Variants in TMEM144 observed in about 807,000 individuals in gnomAD.
TMEM144 encodes transmembrane protein 144.
TMEM144 carries 39 observed loss-of-function variants against 43.6 expected under a neutral mutation model. The observed-to-expected ratio is 0.90, with a 90% CI of 0.69 to 1.17. The LOEUF (loss-of-function observed/expected upper bound fraction) is 1.17. Among genes scored for constraint, TMEM144 ranks in the 50% most tolerant of loss-of-function variants. The pLI is 0.00. For synonymous variants in TMEM144, 154 were observed against 133.6 expected, an observed-to-expected ratio of 1.15 and a Z score of -1.06; for missense variants, 417 against 411.9, an observed-to-expected ratio of 1.01 and a Z score of -0.11.
chr4:158,237,335 C>T, intron 8 of TMEM144, 190 bp from the exon 9 acceptor site: 1 of 531,930 alleles, frequency 1.9e-6, no homozygotes, highest in South Asian at 2.9e-5. Flanking sequence ...AAGCTGTCCT[C>T]CTAGTCCTGA....
chr4:158,226,362 G>T (rs1014194065), intron 6 of TMEM144, among the ~76,000 whole-genome samples: 1 of 152,142 alleles, frequency 6.6e-6, no homozygotes, highest in Non-Finnish European at 1.5e-5. Flanking sequence ...TAAAGAGCAG[G>T]TTGGTGATTT....
intron 5 of TMEM144, 130 bp downstream of exon 5, chr4:158,217,550 C>A: frequency 1.6e-6 from 1 of 613,420 alleles, no homozygotes. Flanking sequence ...ACATACACAT[C>A]ATATATGCCA....
intron 4 of TMEM144, among the ~76,000 whole-genome samples, chr4:158,216,099 A>T (rs888107615): frequency 1.3e-5 from 2 of 152,216 alleles, no homozygotes; most frequent in South Asian, 4.1e-4. Context: ...TCCCACCAGG[A>T]TTTACATTAT....
chr4:158,249,693 C>T (rs565718265), intron 12 of TMEM144, among the ~76,000 whole-genome samples: 134 of 152,218 alleles, frequency 8.8e-4, no homozygotes, highest in African/African-American at 3.1e-3. Flanking sequence ...TAACTGAAGA[C>T]CCATTTTTTA....
chr4:158,214,880 T>C lies in TMEM144; in HGVS notation c.110-311T>C, dbSNP rs140309733. On this transcript the variant is annotated intron_variant, in intron 3 of 12. Coordinates refer to ENST00000296529, the MANE Select transcript of TMEM144 (RefSeq NM_018342.5). The stretch of plus-strand genomic sequence containing the variant: ...GGCAGAAAATTCTTGATTTGTCTAA[T>C]AGGAGGAAAAAAAGAATGTTAAGCC... 1.5e-3 allele frequency among the ~76,000 whole-genome samples: 223 copies of C among 152,272 alleles called. 1 individual carries two copies. The highest frequency in any genetic ancestry group is 5.3e-3 in the African/African-American group (219 of 41,566).
chr4:158,214,078 C>T (rs189112232), intron 3 of TMEM144: 8 of 151,916 alleles, frequency 5.3e-5, no homozygotes, highest in East Asian at 1.9e-4. Context: ...ACTCTTTCAC[C>T]GAGGATGGAG....
rs757937221 is a variant in TMEM144 at position 158,240,336 on chromosome 4, TC to T, written c.721del (p.Thr242GlnfsTer11). 2.5e-6 allele frequency: 4 copies of T among 1,613,884 alleles called. No individual in the cohort carries two copies. Among genetic ancestry groups the T allele is most frequent in the Non-Finnish European group, 2.5e-6 (3 of 1,179,922 alleles). On this transcript the variant is annotated frameshift_variant, in exon 10 of 13. Transcript: ENST00000296529. LOFTEE classifies it high-confidence loss of function. ...YVFAHFSGIF[L>X]TSTVYFLAYC... Reference sequence around the variant, plus strand: ...TGTTTGCGCACTTCAGTGGCATCTTTCTTACAAGTACTGTCTACTTTCTGGC... The same window carrying T: ...TGTTTGCGCACTTCAGTGGCATCTTTTTACAAGTACTGTCTACTTTCTGGC...
At chr4:158,216,457 G>A (rs940999112) in intron 4 of TMEM144, among the ~76,000 whole-genome samples, 1 of 152,160 alleles carries the variant, frequency 6.6e-6, no homozygotes, top group African/African-American at 2.4e-5. Flanking sequence ...GTTCAGCTTG[G>A]CACTTTCTGA....
chr4:158,215,049 T>C, intron 3 of TMEM144, 142 bp from the exon 4 acceptor site: 1 of 999,302 alleles, frequency 1.0e-6, no homozygotes. Context: ...AGAGTAGTCA[T>C]AAGAATGAAA....
intron 11 of TMEM144, among the ~76,000 whole-genome samples, 161 bp downstream of exon 11, chr4:158,241,767 T>C (rs549364239): frequency 3.3e-5 from 5 of 152,354 alleles, no homozygotes; most frequent in African/African-American, 1.2e-4. Context: ...TGAATCTTCA[T>C]GTGCTTGATT....
At chr4:158,218,463 A>T (rs1279244756) in intron 5 of TMEM144, among the ~76,000 whole-genome samples, 1 of 151,916 alleles carries the variant, frequency 6.6e-6, no homozygotes, top group Non-Finnish European at 1.5e-5. Context: ...CTTCCAATAC[A>T]TTCTCTCCCA....
chr4:158,218,343 T>G (rs2111106226), intron 5 of TMEM144, among the ~76,000 whole-genome samples: 1 of 152,228 alleles, frequency 6.6e-6, no homozygotes, highest in African/African-American at 2.4e-5. Context: ...AAATCAATTT[T>G]GGGAAAATGA....
intron 4 of TMEM144, among the ~76,000 whole-genome samples, chr4:158,216,482 A>G (rs1229858074): frequency 6.6e-6 from 1 of 152,160 alleles, no homozygotes; most frequent in Admixed American, 6.5e-5. Flanking sequence ...GAACATCCCG[A>G]TGTTTCTACC....
At chr4:158,236,392 C>T (rs1410543805) in intron 8 of TMEM144, among the ~76,000 whole-genome samples, 2 of 151,958 alleles carry the variant, frequency 1.3e-5, no homozygotes, top group Non-Finnish European at 2.9e-5. Flanking sequence ...TTCACAAAGC[C>T]TCCCCTTCAT....
At position 158,253,625 on chromosome 4, in the gene TMEM144, A is replaced by G; in HGVS notation, c.*98A>G. On this transcript the variant is annotated 3_prime_UTR_variant, in exon 13 of 13. Transcript: ENST00000296529. ...AGAAAAGAGTGCATTTTCATATAGC[A>G]AATGGATCTCAGCCACTGTTGGAGT... 2 of 949,152 alleles carry G rather than the reference A, an allele frequency of 2.1e-6. No individual in the cohort carries two copies. Among genetic ancestry groups the G allele is most frequent in the Non-Finnish European group, 3.2e-6 (2 of 618,244 alleles). The allele number at this position is 949,152 out of a possible 1,614,324, so 58.8% of individuals were successfully genotyped here.
intron 3 of TMEM144, chr4:158,213,454 A>G (rs1460444791): frequency 6.6e-6 from 1 of 152,280 alleles, no homozygotes; most frequent in Non-Finnish European, 1.5e-5. Flanking sequence ...TTAACCAGTT[A>G]ACCAGTTAAA....
chr4:158,227,433 A>G (rs529140435), intron 6 of TMEM144, among the ~76,000 whole-genome samples: 1 of 152,310 alleles, frequency 6.6e-6, no homozygotes, highest in Admixed American at 6.5e-5. Context: ...GGAGCATTAT[A>G]GGGTTACAGA....
At chr4:158,244,449 A>C (rs552758782) in intron 12 of TMEM144, 100 bp downstream of exon 12, 85 of 911,430 alleles carry the variant, frequency 9.3e-5, no homozygotes, top group Non-Finnish European at 1.4e-4. Context: ...AGGCAGGTGG[A>C]TCGTGAGGTT....
chr4:158,213,808 C>T (rs948439640), intron 3 of TMEM144: 7 of 152,228 alleles, frequency 4.6e-5, no homozygotes, highest in Non-Finnish European at 1.0e-4. Flanking sequence ...CTCCTATTTT[C>T]CTCCAGGGCC....
Sources: allele counts gnomAD v4.1 joint callset (sites outside exome capture counted in the v4.1 genomes callset), GRCh38; gene constraint gnomAD v4.1.1; transcripts MANE v1.5; gene names NCBI Gene and HGNC (gene_info 2026-07-23, HGNC 2026-07-21).